Variants in EFCAB5 observed in about 807,000 individuals in gnomAD.
The protein encoded by EFCAB5 is EF-hand calcium binding domain 5.
In EFCAB5, 131 loss-of-function variants were observed where a neutral mutation model predicts 167.9. That is an observed-to-expected ratio of 0.78 (90% confidence interval 0.68 to 0.90). EFCAB5 has a LOEUF of 0.90. EFCAB5 is among the 40% of genes least tolerant of loss of function. The pLI is 0.00. For synonymous variants in EFCAB5, 574 were observed against 602.8 expected, an observed-to-expected ratio of 0.95 and a Z score of 0.70; for missense variants, 1,663 against 1,745.2, an observed-to-expected ratio of 0.95 and a Z score of 0.84.
At chr17:29,957,718 C>G (rs1176575033) in intron 3 of EFCAB5, among the ~76,000 whole-genome samples, 1 of 152,168 alleles carries the variant, frequency 6.6e-6, no homozygotes, top group Non-Finnish European at 1.5e-5. Flanking sequence ...TTTTCTTTAT[C>G]CATTCTATCA....
At position 30,092,172 on chromosome 17, in the gene EFCAB5, A is replaced by G. The variant is rs531331965; in HGVS notation, c.4224+15A>G. ...AGTGTAAATTTGTAAGTTTTTTTTT[A>G]AAAAGCACCTTTTAAATTGAAGAAT... On this transcript the variant is annotated intron_variant, in intron 21 of 22. Transcript: ENST00000394835. 9.4e-6 allele frequency: 15 copies of G among 1,592,314 alleles called. No homozygotes were observed. The East Asian group carries it at 2.9e-4, about 31-fold the overall frequency.
intron 7 of EFCAB5, among the ~76,000 whole-genome samples, chr17:30,004,476 G>A (rs1027992179): frequency 1.3e-5 from 2 of 152,170 alleles, no homozygotes; most frequent in East Asian, 1.9e-4. Context: ...TTTAGTTTTA[G>A]TTTAGTGTTG....
chr17:30,053,875 G>A lies in EFCAB5; in HGVS notation c.1921G>A (p.Glu641Lys), dbSNP rs1370283921. The change falls in exon 10 of 23, where the codon GAG becomes AAG. Residue 641 changes from glutamate to lysine, a missense_variant. Coordinates refer to ENST00000394835, the MANE Select transcript of EFCAB5 (RefSeq NM_198529.4). ...AGCTGCAGAACAGGGATCACTCAGA[G>A]AGTCAGTAATAGAAGAACCATACCA... is the stretch of plus-strand genomic sequence containing the variant. ...MSAAEQGSLR[E>K]SVIEEPYQKS... is the part of the protein sequence containing the mutation. 6.2e-7 allele frequency: 1 copy of A among 1,614,050 alleles called. No individual in the cohort carries two copies. The highest frequency in any genetic ancestry group is 8.5e-7 in the Non-Finnish European group (1 of 1,179,902).
intron 14 of EFCAB5, 62 bp downstream of exon 14, chr17:30,059,763 T>C: frequency 7.1e-7 from 1 of 1,401,802 alleles, no homozygotes; most frequent in South Asian, 1.6e-5. Context: ...AGTTTCTCAG[T>C]ACACATATAC....
chr17:29,996,040 C>G (rs900041987), intron 5 of EFCAB5, among the ~76,000 whole-genome samples: 2 of 152,102 alleles, frequency 1.3e-5, no homozygotes, highest in South Asian at 4.1e-4. Flanking sequence ...AGATCTTGTT[C>G]AGACATAACA....
chr17:30,073,754 C>T (rs2070804968), intron 14 of EFCAB5: 6 of 675,042 alleles, frequency 8.9e-6, no homozygotes, highest in Non-Finnish European at 1.7e-5. Context: ...CCCTATGCAT[C>T]CCATACTCCT....
At chr17:29,989,275 T>A (rs2068358536) in intron 4 of EFCAB5, among the ~76,000 whole-genome samples, 1 of 152,228 alleles carries the variant, frequency 6.6e-6, no homozygotes, top group Admixed American at 6.5e-5. Context: ...ATCATAACAT[T>A]GGAATAATAT....
At chr17:30,061,854 C>A (rs974344691) in intron 14 of EFCAB5, among the ~76,000 whole-genome samples, 1 of 152,192 alleles carries the variant, frequency 6.6e-6, no homozygotes, top group Admixed American at 6.5e-5. Flanking sequence ...AGGTGTGAGC[C>A]ACTGTACCCA....
chr17:30,073,901 A>T (rs189056248), intron 14 of EFCAB5: 1 of 301,294 alleles, frequency 3.3e-6, no homozygotes, highest in Admixed American at 4.9e-5. Context: ...CTCTTAAAAA[A>T]AATAAATAAA....
At chr17:29,994,739 T>C (rs1358966843) in intron 5 of EFCAB5, among the ~76,000 whole-genome samples, 1 of 152,170 alleles carries the variant, frequency 6.6e-6, no homozygotes. Context: ...GGTGGAACCC[T>C]GTCTCAAATA....
chr17:29,948,819 A>G (rs896420118), intron 3 of EFCAB5, among the ~76,000 whole-genome samples: 1 of 152,148 alleles, frequency 6.6e-6, no homozygotes. Flanking sequence ...GCTCAGTTAT[A>G]TTCTTATTAC....
chr17:29,936,199 C>T (rs1276536116), intron 1 of EFCAB5, among the ~76,000 whole-genome samples: 8 of 151,958 alleles, frequency 5.3e-5, no homozygotes, highest in Non-Finnish European at 1.5e-5. Context: ...AGCAAACGAT[C>T]GCAAGGACAA....
At chr17:30,020,020 C>T (rs1159514451) in intron 7 of EFCAB5, among the ~76,000 whole-genome samples, 2 of 152,106 alleles carry the variant, frequency 1.3e-5, no homozygotes, top group Non-Finnish European at 1.5e-5. Flanking sequence ...TATGTGAGAT[C>T]GTGTTGTATT....
Position 30,054,131 on chromosome 17 carries a change from G to A in EFCAB5, c.2177G>A (p.Arg726Lys). 6.4e-7 allele frequency: 1 copy of A among 1,552,400 alleles called. No homozygotes were observed. The change falls in exon 10 of 23, where the codon AGA (arginine) becomes AAA (lysine). Residue 726 changes from arginine to lysine, a missense_variant. Coordinates refer to ENST00000394835, the MANE Select transcript of EFCAB5 (RefSeq NM_198529.4). Reference sequence around the variant, plus strand: ...CAAGAGGAAGTTCCAACCTTAAGCAGAAAAGATCACTTTCCAGGTAGTAAT... The same window carrying A: ...CAAGAGGAAGTTCCAACCTTAAGCAAAAAAGATCACTTTCCAGGTAGTAAT... ...ELQEEVPTLS[R>K]KDHFPETTKK...
Position 30,090,259 on chromosome 17 carries a change from T to C in EFCAB5, c.3684-162T>C, listed in dbSNP as rs2071168826. The C allele has an allele frequency of 1.0e-5, 9 of 897,268 alleles. No individual in the cohort carries two copies. In the South Asian group the frequency reaches 1.3e-4, roughly 13 times the overall value. The allele number at this position is 897,268 out of a possible 1,614,324, so 55.6% of individuals were successfully genotyped here. A position where few individuals can be genotyped will look rare whatever the true frequency, so the allele number is the denominator to read the frequency against. On this transcript the variant is annotated intron_variant, in intron 19 of 22. Coordinates refer to ENST00000394835, the MANE Select transcript of EFCAB5 (RefSeq NM_198529.4). ...ACATGAGTGAGCAAACAGACAGCCATGTGAAATCAAGGGCTAGAATGCTCC... is the reference window on the plus strand; with the variant it reads ...ACATGAGTGAGCAAACAGACAGCCACGTGAAATCAAGGGCTAGAATGCTCC...
At chr17:30,008,052 A>G (rs1254401637) in intron 7 of EFCAB5, among the ~76,000 whole-genome samples, 1 of 106,304 alleles carries the variant, frequency 9.4e-6, no homozygotes, top group Non-Finnish European at 1.8e-5. Flanking sequence ...CAATCCCCCA[A>G]TCTATTAAGT....
chr17:30,029,238 G>A (rs576023695), intron 7 of EFCAB5, among the ~76,000 whole-genome samples: 39 of 152,272 alleles, frequency 2.6e-4, no homozygotes, highest in African/African-American at 8.7e-4. Context: ...TTCATTGTAC[G>A]TTGAAAATAT....
Position 30,057,887 on chromosome 17 carries a change from A to G in EFCAB5, c.2577A>G (p.Glu859=). The stretch of plus-strand genomic sequence containing the variant: ...AACAAGAGAAAATGAATGCCTTAGA[A>G]CAGGTGGGTAATATTATTTATTAAT... ...ETEQEKMNAL[E]QFSQNAFQVR... The change falls in exon 13 of 23, where the codon GAA becomes GAG. Residue 859 remains glutamate (E), a synonymous_variant. Transcript: ENST00000394835. 6.2e-7 allele frequency: 1 copy of G among 1,611,306 alleles called. No individual in the cohort carries two copies. Among genetic ancestry groups the G allele is most frequent in the Non-Finnish European group, 8.5e-7 (1 of 1,178,400 alleles).
intron 7 of EFCAB5, among the ~76,000 whole-genome samples, chr17:30,019,005 T>C (rs1186012907): frequency 6.6e-6 from 1 of 152,180 alleles, no homozygotes; most frequent in Non-Finnish European, 1.5e-5. Flanking sequence ...TTCTTGACTT[T>C]CTTCCTAGCC....
Sources: allele counts gnomAD v4.1 joint callset (sites outside exome capture counted in the v4.1 genomes callset), GRCh38; gene constraint gnomAD v4.1.1; transcripts MANE v1.5; gene names NCBI Gene and HGNC (gene_info 2026-07-23, HGNC 2026-07-21).